The following OR1J2 variants were observed in gnomAD, a reference collection of about 807,000 sequenced individuals.
OR1J2 encodes olfactory receptor family 1 subfamily J member 2.
For missense variants in OR1J2, 304 were observed against 246.1 expected (o/e 1.24, Z -1.57); for synonymous variants, 142 against 99.7 (o/e 1.42, Z -2.52).
chr9:122,481,411 A>G, the OR1J2 span, among the ~76,000 whole-genome samples: 4 of 152,216 alleles, frequency 2.6e-5, no homozygotes, highest in Non-Finnish European at 5.9e-5. Context: ...AAAGCCACAG[A>G]TGGGAGAATA....
upstream of OR1J2, among the ~76,000 whole-genome samples, chr9:122,508,929 T>G (rs918673329): frequency 3.9e-5 from 6 of 152,204 alleles, no homozygotes; most frequent in Non-Finnish European, 8.8e-5. Context: ...CTTGTTTTCT[T>G]GCTTTTTTCT....
At chr9:122,580,360 A>G in the OR1J2 span, among the ~76,000 whole-genome samples, 6 of 152,368 alleles carry the variant, frequency 3.9e-5, no homozygotes, top group Admixed American at 1.3e-4. Context: ...AGGATGGCAC[A>G]CTAGAATGCG....
the OR1J2 span, among the ~76,000 whole-genome samples, chr9:122,484,412 G>T: frequency 2.6e-5 from 4 of 152,090 alleles, no homozygotes; most frequent in East Asian, 7.8e-4. Flanking sequence ...TGCCTGCCTC[G>T]GCCTCCCAAA....
the OR1J2 span, among the ~76,000 whole-genome samples, chr9:122,558,257 A>C: frequency 8.4e-6 from 1 of 119,692 alleles, no homozygotes; most frequent in Non-Finnish European, 1.8e-5. Flanking sequence ...TCTTGTGCTT[A>C]CTTTGGATTT....
chr9:122,467,613 C>T, the OR1J2 span, among the ~76,000 whole-genome samples: 2 of 152,246 alleles, frequency 1.3e-5, no homozygotes, highest in East Asian at 3.9e-4. Flanking sequence ...TCCAGATTAA[C>T]CTATTAAAAC....
the OR1J2 span, among the ~76,000 whole-genome samples, chr9:122,488,739 T>G: frequency 6.6e-6 from 1 of 152,226 alleles, no homozygotes; most frequent in Admixed American, 6.5e-5. Context: ...GATTGCTTTT[T>G]TCATTATTTC....
At chr9:122,568,111 G>A in the OR1J2 span, 108 of 1,613,978 alleles carry the variant, frequency 6.7e-5, no homozygotes, top group Admixed American at 1.7e-4. Context: ...GCCACATAGC[G>A]GTCAAAGGCC....
chr9:122,550,547 C>A, the OR1J2 span, among the ~76,000 whole-genome samples: 1 of 143,298 alleles, frequency 7.0e-6, no homozygotes, highest in Non-Finnish European at 1.5e-5. Flanking sequence ...AGATAATACA[C>A]CATGATCAAG....
At chr9:122,539,258 T>A in the OR1J2 span, among the ~76,000 whole-genome samples, 10 of 152,126 alleles carry the variant, frequency 6.6e-5, no homozygotes, top group Non-Finnish European at 1.2e-4. Context: ...CCTAATGCTA[T>A]CCTTCCCACC....
At chr9:122,447,461 C>G in the OR1J2 span, 1 of 152,228 alleles carries the variant, frequency 6.6e-6, no homozygotes, top group Non-Finnish European at 1.5e-5. Context: ...CATCTGTCTT[C>G]TATGGAGCAC....
chr9:122,466,392 C>T, the OR1J2 span, among the ~76,000 whole-genome samples: 9 of 152,256 alleles, frequency 5.9e-5, no homozygotes, highest in South Asian at 1.2e-3. Context: ...CTATGGATGC[C>T]GAATCTACTC....
At chr9:122,487,624 T>C in the OR1J2 span, among the ~76,000 whole-genome samples, 6 of 152,324 alleles carry the variant, frequency 3.9e-5, no homozygotes, top group East Asian at 1.2e-3. Flanking sequence ...GTGAGAAAAG[T>C]CATGAGCTCA....
At chr9:122,509,022 G>C (rs977587963), upstream of OR1J2, among the ~76,000 whole-genome samples, 1 of 152,134 alleles carries the variant, frequency 6.6e-6, no homozygotes, top group Non-Finnish European at 1.5e-5. Flanking sequence ...CTTCGAATAC[G>C]TCTCTGATTC....
the OR1J2 span, chr9:122,527,250 A>G: frequency 5.0e-6 from 8 of 1,612,788 alleles, no homozygotes; most frequent in Non-Finnish European, 6.8e-6. Flanking sequence ...AGGCGCTGAT[A>G]TTCCTCGGAG....
At chr9:122,527,276 G>A in the OR1J2 span, 6 of 1,608,086 alleles carry the variant, frequency 3.7e-6, no homozygotes, top group Non-Finnish European at 5.1e-6. Flanking sequence ...ATTCAGAAAT[G>A]CTGGATTGGT....
At chr9:122,472,278 G>C in the OR1J2 span, among the ~76,000 whole-genome samples, 2 of 152,272 alleles carry the variant, frequency 1.3e-5, no homozygotes, top group East Asian at 1.9e-4. Context: ...ATTCATACCA[G>C]GGCCATCTCT....
the OR1J2 span, among the ~76,000 whole-genome samples, chr9:122,570,879 G>A: frequency 7.9e-5 from 12 of 152,182 alleles, no homozygotes; most frequent in South Asian, 2.1e-4. Context: ...ACTAAATTCC[G>A]TAATAAGGAA....
the OR1J2 span, among the ~76,000 whole-genome samples, chr9:122,467,796 C>G: frequency 6.6e-6 from 1 of 152,202 alleles, no homozygotes; most frequent in East Asian, 1.9e-4. Flanking sequence ...CAGGAACTCT[C>G]TCTGAGTTAT....
the OR1J2 span, among the ~76,000 whole-genome samples, chr9:122,487,997 G>A: frequency 6.6e-6 from 1 of 152,142 alleles, no homozygotes; most frequent in East Asian, 1.9e-4. Flanking sequence ...AAAAGTAAAT[G>A]GTTAAATGAG....
Sources: gnomAD v4.1 joint callset for allele counts (sites outside exome capture counted in the v4.1 genomes callset) on GRCh38, gnomAD v4.1.1 for gene constraint, MANE v1.5 for transcripts, NCBI Gene and HGNC (gene_info 2026-07-23, HGNC 2026-07-21) for gene names.